Variants in ADCY1 observed in about 807,000 individuals in gnomAD.
ADCY1 encodes adenylate cyclase 1, also known as adenylate cyclase type 1.
Under a neutral mutation model 105.4 loss-of-function variants are expected in ADCY1, and 28 were observed. That is an observed-to-expected ratio of 0.27 (90% confidence interval 0.20 to 0.36). The LOEUF (loss-of-function observed/expected upper bound fraction) is 0.36. Among genes scored for constraint, ADCY1 ranks in the 10% least tolerant of loss-of-function variants. The probability of loss-of-function intolerance (pLI) is 1.00; values close to 1 mark genes in which losing one functional copy is unlikely to be tolerated. For synonymous variants in ADCY1, 655 were observed against 623.8 expected (o/e 1.05, Z -0.75); for missense variants, 977 against 1,434.2 (o/e 0.68, Z 5.15).
rs1174298125 is a variant in ADCY1, at chr7:45,703,100, G to A, written c.2455-276G>A. Among the ~76,000 whole-genome samples, 1 of 152,194 alleles carries A rather than the reference G, an allele frequency of 6.6e-6. No individual in the cohort carries two copies. Among genetic ancestry groups the A allele is most frequent in the Non-Finnish European group, 1.5e-5 (1 of 68,032 alleles). On this transcript the variant is annotated intron_variant, in intron 14 of 19. Coordinates refer to ENST00000297323, the MANE Select transcript of ADCY1 (RefSeq NM_021116.4). This position sits in a 1 kb window ranked among gnomAD's most constrained non-coding sequence, Gnocchi z 5.9. The stretch of plus-strand genomic sequence containing the variant: ...TAGCATCTGGTCCCTAAGGGGTGGC[G>A]GAGGGCAGGGCGGACCCTGGAAATG...
chr7:45,711,889 T>TTATATATTATATTAAATATATAAATATA (rs1562735901), intron 19 of ADCY1, among the ~76,000 whole-genome samples: 54 of 92,124 alleles, frequency 5.9e-4, no homozygotes, highest in Middle Eastern at 0.01. Context: ...TATAAATATA[T>TTATATATTATATTAAATATATAAATATA]TTATATATTA....
chr7:45,624,761 C>G (rs912201244), intron 4 of ADCY1, among the ~76,000 whole-genome samples: 1 of 152,174 alleles, frequency 6.6e-6, no homozygotes. Flanking sequence ...CTCCTTGCTT[C>G]CCACCCCTTC....
In ADCY1 at chr7:45,574,930, C is replaced by A. The variant is rs1035746347; in HGVS notation, c.387C>A (p.Phe129Leu). The A allele has an allele frequency of 2.5e-6, 4 of 1,612,008 alleles. No individual in the cohort carries two copies. The highest frequency in any genetic ancestry group is 2.7e-5 in the African/African-American group (2 of 75,042). ...LQQVGQLALL[F>L]SLTFALLCCP... ...AGGTCGGCCAGCTGGCGCTGCTCTT[C>A]AGCCTCACCTTCGCGCTGCTCTGCT... Residue 129 changes from phenylalanine to leucine, a missense_variant, in exon 1 of 20, where the codon TTC becomes TTA. Phe to Leu is a conservative substitution (Grantham distance 22). Transcript: ENST00000297323. This position sits in a 1 kb window ranked among gnomAD's most constrained non-coding sequence, Gnocchi z 7.0.
intron 4 of ADCY1, among the ~76,000 whole-genome samples, chr7:45,638,768 G>A (rs1300688071): frequency 6.6e-6 from 1 of 151,930 alleles, no homozygotes; most frequent in Non-Finnish European, 1.5e-5. Context: ...AAATGCTTTG[G>A]TCTCCATAGG....
intron 14 of ADCY1, among the ~76,000 whole-genome samples, chr7:45,692,596 C>G (rs1212880471): frequency 6.6e-6 from 1 of 152,108 alleles, no homozygotes; most frequent in African/African-American, 2.4e-5. Context: ...TCGTGAGATG[C>G]TTGTTTTTAT....
rs116480673 is a variant in ADCY1, at chr7:45,677,567, C to T, written c.1606-302C>T. On this transcript the variant is annotated intron_variant, in intron 8 of 19. Coordinates refer to ENST00000297323, the MANE Select transcript of ADCY1 (RefSeq NM_021116.4). ...TGTTGGGGTTTTATGAGTTTAGGAA[C>T]CTGCTCTTACTGGGATGCTGTTCTC... 8.2e-3 allele frequency among the ~76,000 whole-genome samples: 1,243 copies of T among 152,188 alleles called. 21 individuals are homozygous for T. The highest frequency in any genetic ancestry group is 0.028 in the African/African-American group (1,182 of 41,528).
chr7:45,640,469 G>T (rs990386162), intron 4 of ADCY1, among the ~76,000 whole-genome samples: 2 of 152,236 alleles, frequency 1.3e-5, no homozygotes, highest in African/African-American at 4.8e-5. Flanking sequence ...CTCCTAGGTA[G>T]AGTCAAAGTC....
intron 14 of ADCY1, among the ~76,000 whole-genome samples, chr7:45,692,931 G>T (rs767223720): frequency 6.6e-6 from 1 of 152,168 alleles, no homozygotes; most frequent in Non-Finnish European, 1.5e-5. Context: ...GAAAAAAAGG[G>T]TCTTTCAGTA....
intron 17 of ADCY1, among the ~76,000 whole-genome samples, chr7:45,707,725 A>G (rs1785148255): frequency 6.6e-6 from 1 of 152,218 alleles, no homozygotes. Context: ...ACACTTAGGT[A>G]AGATGTTAAC....
rs917921043 is a variant in ADCY1, at chr7:45,722,412, G to C, written c.*8417G>C. On this transcript the variant is annotated 3_prime_UTR_variant, in exon 20 of 20. Coordinates refer to ENST00000297323, the MANE Select transcript of ADCY1 (RefSeq NM_021116.4). ...CGCCCGCTGGCTGCAGAGCATCCCTGGGAGCCAAGGCGAGGCCCGTGGAGC... is the reference window on the plus strand; with the variant it reads ...CGCCCGCTGGCTGCAGAGCATCCCTCGGAGCCAAGGCGAGGCCCGTGGAGC... 1 of 152,264 alleles carries C rather than the reference G, an allele frequency of 6.6e-6. No individual in the cohort carries two copies. The highest frequency in any genetic ancestry group is 2.4e-5 in the African/African-American group (1 of 41,460). 9.4% of individuals were successfully genotyped at this position (152,264 alleles called of 1,614,324 possible).
At chr7:45,622,852 G>C (rs1024912779) in intron 4 of ADCY1, 109 bp downstream of exon 4, 2 of 822,828 alleles carry the variant, frequency 2.4e-6, no homozygotes, top group Non-Finnish European at 3.9e-6. Flanking sequence ...TGATTGCTAA[G>C]CATTTCTTCC....
In ADCY1 at chr7:45,721,820, TG is replaced by T. The variant is rs982920368; in HGVS notation, c.*7827del. On this transcript the variant is annotated 3_prime_UTR_variant, in exon 20 of 20. Transcript: ENST00000297323. ...CCCTCTCCTGGGCATTGGTTCCTGCTGGTACCGGGCGGTTCAGACCTTCAAA... is the reference window on the plus strand; with the variant it reads ...CCCTCTCCTGGGCATTGGTTCCTGCTGTACCGGGCGGTTCAGACCTTCAAA... 1.3e-5 allele frequency: 5 copies of T among 398,546 alleles called. No homozygotes were observed. Among genetic ancestry groups the T allele is most frequent in the African/African-American group, 8.2e-5 (4 of 48,626 alleles). The allele number at this position is 398,546 out of a possible 1,614,324, so 24.7% of individuals were successfully genotyped here.
intron 4 of ADCY1, among the ~76,000 whole-genome samples, chr7:45,632,361 G>A (rs894343644): frequency 6.6e-6 from 1 of 152,162 alleles, no homozygotes; most frequent in African/African-American, 2.4e-5. Context: ...TGTAACAAAG[G>A]CTGGTGGAAT....
rs1785468702 is a variant in ADCY1 at position 45,721,394 on chromosome 7, T to C, written c.*7399T>C. On this transcript the variant is annotated 3_prime_UTR_variant, in exon 20 of 20. Coordinates refer to ENST00000297323, the MANE Select transcript of ADCY1 (RefSeq NM_021116.4). ...ATCAGACTATATTCTAAAACTATAT[T>C]TGAGCGAAACCTGTCATTGCGTCTA... is the stretch of plus-strand genomic sequence containing the variant. 3.0e-6 allele frequency: 1 copy of C among 328,472 alleles called. No individual in the cohort carries two copies. The highest frequency in any genetic ancestry group is 2.1e-5 in the African/African-American group (1 of 47,400). The allele number at this position is 328,472 out of a possible 1,614,324, so 20.3% of individuals were successfully genotyped here.
intron 2 of ADCY1, among the ~76,000 whole-genome samples, chr7:45,601,420 A>G (rs1793235783): frequency 6.6e-6 from 1 of 152,174 alleles, no homozygotes; most frequent in East Asian, 1.9e-4. Context: ...GGTGGTATCC[A>G]TACCTGAGCG....
At chr7:45,623,968 G>A (rs1246257560) in intron 4 of ADCY1, among the ~76,000 whole-genome samples, 1 of 152,174 alleles carries the variant, frequency 6.6e-6, no homozygotes, top group Non-Finnish European at 1.5e-5. Context: ...TTCACCTCTT[G>A]TCTAGCCTCA....
intron 8 of ADCY1, among the ~76,000 whole-genome samples, chr7:45,665,367 A>G (rs925899274): frequency 6.6e-6 from 1 of 152,196 alleles, no homozygotes; most frequent in Non-Finnish European, 1.5e-5. Context: ...CTCATCGCCC[A>G]CTGGGCCCAC....
intron 2 of ADCY1, among the ~76,000 whole-genome samples, chr7:45,605,248 A>G (rs1472026394): frequency 6.6e-6 from 1 of 152,066 alleles, no homozygotes; most frequent in Non-Finnish European, 1.5e-5. Context: ...TGCTTTTGTA[A>G]CATCCATTGT....
At chr7:45,656,570 T>C (rs2116097764) in intron 5 of ADCY1, among the ~76,000 whole-genome samples, 1 of 152,102 alleles carries the variant, frequency 6.6e-6, no homozygotes, top group Non-Finnish European at 1.5e-5. Context: ...TGGCAAGGGT[T>C]TGAGTGGAGG....
Sources: gnomAD v4.1 joint callset for allele counts (sites outside exome capture counted in the v4.1 genomes callset) on GRCh38, gnomAD v4.1.1 for gene constraint, Gnocchi (gnomAD v3.1) non-coding constraint, MANE v1.5 for transcripts, NCBI Gene and HGNC (gene_info 2026-07-23, HGNC 2026-07-21) for gene names.